Variants in RANBP2 observed in about 807,000 individuals in gnomAD.
The protein encoded by RANBP2 is E3 SUMO-protein ligase RanBP2.
Under a neutral mutation model 303.6 loss-of-function variants are expected in RANBP2, and 57 were observed. The ratio of observed to expected loss-of-function variants is 0.19; its 90% CI spans 0.15 to 0.23. The LOEUF (loss-of-function observed/expected upper bound fraction) is 0.23. Ranked by LOEUF, RANBP2 falls within the 10% of genes least tolerant of loss-of-function variation. The pLI is 1.00. For missense variants in RANBP2, 3,138 were observed against 3,780.8 expected (o/e 0.83, Z 4.46); for synonymous variants, 1,167 against 1,301.5 (o/e 0.90, Z 2.23).
chr2:109,476,758 G>A, the RANBP2 span, among the ~76,000 whole-genome samples: 1 of 152,224 alleles, frequency 6.6e-6, no homozygotes, highest in Non-Finnish European at 1.5e-5. Context: ...TCCATAGACA[G>A]CAGCCCTGAG....
chr2:109,409,651 C>T, the RANBP2 span, among the ~76,000 whole-genome samples: 13 of 152,112 alleles, frequency 8.5e-5, no homozygotes, highest in African/African-American at 3.1e-4. Flanking sequence ...TGCTGCCTCT[C>T]CCAGGACAGA....
Position 108,756,184 on chromosome 2 carries a change from T to C in RANBP2, c.2466+925T>C, listed in dbSNP as rs1573786292. On this transcript the variant is annotated intron_variant, in intron 17 of 28. Transcript: ENST00000283195. ...CTGCTACCATGTACTAATCATACTC[T>C]GGTCTATGAGTTCATTCCCAGATTA... is the stretch of plus-strand genomic sequence containing the variant. 3.3e-5 allele frequency among the ~76,000 whole-genome samples: 5 copies of C among 152,346 alleles called. No individual in the cohort carries two copies. In the South Asian group the frequency reaches 1.0e-3, roughly 32 times the overall value.
At chr2:108,995,120 G>A in the RANBP2 span, among the ~76,000 whole-genome samples, 4 of 152,132 alleles carry the variant, frequency 2.6e-5, no homozygotes, top group South Asian at 2.1e-4. Flanking sequence ...ATGAGCCACC[G>A]TGCCCGGCCG....
the RANBP2 span, among the ~76,000 whole-genome samples, chr2:109,705,992 C>T: frequency 1.3e-5 from 2 of 152,184 alleles, no homozygotes; most frequent in Admixed American, 6.5e-5. Flanking sequence ...AAACCAGTGA[C>T]CAGAAGCTTG....
At chr2:109,327,778 T>C in the RANBP2 span, among the ~76,000 whole-genome samples, 1 of 152,260 alleles carries the variant, frequency 6.6e-6, no homozygotes, top group Non-Finnish European at 1.5e-5. Context: ...TACTTGTGCA[T>C]GGTAGATAGA....
At chr2:108,957,657 G>A in the RANBP2 span, among the ~76,000 whole-genome samples, 8 of 152,182 alleles carry the variant, frequency 5.3e-5, no homozygotes, top group Admixed American at 2.0e-4. Context: ...TAATTGATGC[G>A]GCCTTACAAA....
chr2:109,561,267 C>A, the RANBP2 span, among the ~76,000 whole-genome samples: 3 of 152,060 alleles, frequency 2.0e-5, no homozygotes, highest in Admixed American at 6.6e-5. Flanking sequence ...TCTGTTTTCC[C>A]CAAGTTACTA....
At chr2:109,252,654 C>A in the RANBP2 span, among the ~76,000 whole-genome samples, 2 of 152,220 alleles carry the variant, frequency 1.3e-5, no homozygotes, top group African/African-American at 4.8e-5. Context: ...GCATGTAATA[C>A]ACCAAACCTA....
At chr2:108,937,636 G>A in the RANBP2 span, among the ~76,000 whole-genome samples, 1 of 152,064 alleles carries the variant, frequency 6.6e-6, no homozygotes, top group East Asian at 1.9e-4. Context: ...GTATGTTTAT[G>A]TTTGTGTGTG....
At chr2:109,489,780 C>T in the RANBP2 span, among the ~76,000 whole-genome samples, 2 of 152,112 alleles carry the variant, frequency 1.3e-5, no homozygotes, top group South Asian at 4.2e-4. Flanking sequence ...CTCTGTCACC[C>T]AGGCTGGAGT....
At chr2:109,621,482 C>T in the RANBP2 span, among the ~76,000 whole-genome samples, 2 of 151,908 alleles carry the variant, frequency 1.3e-5, no homozygotes, top group Non-Finnish European at 2.9e-5. Flanking sequence ...GATCAAAGAA[C>T]CTGGGAGCCC....
chr2:108,873,628 TAC>T, the RANBP2 span: 2 of 1,429,532 alleles, frequency 1.4e-6, no homozygotes, highest in Non-Finnish European at 1.9e-6. Flanking sequence ...TATTGAAAAA[TAC>T]CTTACTGTGA....
the RANBP2 span, among the ~76,000 whole-genome samples, chr2:109,512,469 G>A: frequency 6.6e-6 from 1 of 152,060 alleles, no homozygotes. Flanking sequence ...CTGCCTGGGG[G>A]TCCACTCTGT....
the RANBP2 span, among the ~76,000 whole-genome samples, chr2:109,626,228 C>A: frequency 6.6e-6 from 1 of 151,224 alleles, no homozygotes; most frequent in African/African-American, 2.4e-5. Flanking sequence ...ACCTGTAATC[C>A]CTGAACTTTG....
the RANBP2 span, among the ~76,000 whole-genome samples, chr2:109,000,274 C>T: frequency 2.0e-5 from 3 of 152,290 alleles, no homozygotes; most frequent in East Asian, 5.8e-4. Flanking sequence ...TGTCTGTAAT[C>T]CCAGCACTTT....
the RANBP2 span, among the ~76,000 whole-genome samples, chr2:109,379,088 G>A: frequency 6.6e-6 from 1 of 152,184 alleles, no homozygotes; most frequent in Non-Finnish European, 1.5e-5. Context: ...TATGGGCTCC[G>A]CCGCTCTTGG....
chr2:109,105,935 C>A, the RANBP2 span, among the ~76,000 whole-genome samples: 1 of 150,940 alleles, frequency 6.6e-6, no homozygotes. Context: ...CTCACTGCAG[C>A]CTCTGCCTCC....
At chr2:109,191,625 G>A in the RANBP2 span, among the ~76,000 whole-genome samples, 6 of 152,162 alleles carry the variant, frequency 3.9e-5, no homozygotes, top group Non-Finnish European at 8.8e-5. Flanking sequence ...AAGTGGAATT[G>A]CAGCAAGAGC....
chr2:109,656,299 CTTTT>C, the RANBP2 span, among the ~76,000 whole-genome samples: 1 of 152,122 alleles, frequency 6.6e-6, no homozygotes, highest in Non-Finnish European at 1.5e-5. Context: ...TTCTGTCTTT[CTTTT>C]TAATTTGCAA....
Sources: allele counts gnomAD v4.1 joint callset (sites outside exome capture counted in the v4.1 genomes callset), GRCh38; gene constraint gnomAD v4.1.1; transcripts MANE v1.5; gene names NCBI Gene and HGNC (gene_info 2026-07-23, HGNC 2026-07-21).